The following FAM153A variants were observed in gnomAD, a reference collection of about 807,000 sequenced individuals.
FAM153A encodes family with sequence similarity 153 member A.
FAM153A carries 12 observed loss-of-function variants against 48.1 expected under a neutral mutation model. The ratio of observed to expected loss-of-function variants is 0.25; its 90% CI spans 0.16 to 0.40. The LOEUF is 0.40. Ranked by LOEUF, FAM153A falls within the 10% of genes least tolerant of loss-of-function variation. The pLI, the probability that FAM153A is intolerant of heterozygous loss-of-function variation, is 1.00. For synonymous variants in FAM153A, 36 were observed against 118.2 expected, an observed-to-expected ratio of 0.30 and a Z score of 4.51; for missense variants, 111 against 345.8, an observed-to-expected ratio of 0.32 and a Z score of 5.38.
At chr5:177,725,707 A>G (rs1439986002) in intron 18 of FAM153A, among the ~76,000 whole-genome samples, 2 of 151,610 alleles carry the variant, frequency 1.3e-5, no homozygotes, top group Non-Finnish European at 1.5e-5. Flanking sequence ...AGGGTGTGAC[A>G]AGACAAGTGA....
downstream of FAM153A, among the ~76,000 whole-genome samples, chr5:177,706,554 G>A (rs549713261): frequency 2.0e-5 from 3 of 152,056 alleles, no homozygotes; most frequent in East Asian, 1.9e-4. Context: ...TAGACAAAAC[G>A]TAGTTTTAGA....
intron 10 of FAM153A, 45 bp downstream of exon 12, chr5:177,739,068 C>A (rs1193526967): frequency 6.2e-7 from 1 of 1,606,982 alleles, no homozygotes; most frequent in Non-Finnish European, 8.5e-7. Context: ...CCTTTCTCAA[C>A]ACTAAGATTT....
At chr5:177,758,914 G>C (rs1444215893) in intron 1 of FAM153A, among the ~76,000 whole-genome samples, 1 of 151,354 alleles carries the variant, frequency 6.6e-6, no homozygotes, top group Non-Finnish European at 1.5e-5. Context: ...CATAGGCATG[G>C]GCAAGGACTT....
chr5:177,765,846 C>T (rs1370439797), intron 1 of FAM153A, among the ~76,000 whole-genome samples: 2 of 121,588 alleles, frequency 1.6e-5, no homozygotes, highest in African/African-American at 2.8e-5. Context: ...CCAAACCGGG[C>T]GTCGTGGCTC....
downstream of FAM153A, among the ~76,000 whole-genome samples, chr5:177,707,446 AG>A (rs1757967981): frequency 6.6e-6 from 1 of 151,900 alleles, no homozygotes; most frequent in African/African-American, 2.4e-5. Context: ...TGGAAAAAAA[AG>A]GAAACGAGAG....
chr5:177,737,427 G>A (rs1406509089), intron 10 of FAM153A, among the ~76,000 whole-genome samples: 1 of 150,864 alleles, frequency 6.6e-6, no homozygotes, highest in East Asian at 1.9e-4. Flanking sequence ...TCTGACCTGA[G>A]CTAACTTGCC....
chr5:177,752,858 G>T (rs1215653433), intron 1 of FAM153A, among the ~76,000 whole-genome samples: 4 of 136,284 alleles, frequency 2.9e-5, no homozygotes, highest in African/African-American at 1.2e-4. Flanking sequence ...AACCTGGGAG[G>T]TGGAGGTTGC....
upstream of FAM153A, among the ~76,000 whole-genome samples, chr5:177,753,904 C>A (rs1042181298): frequency 6.6e-6 from 1 of 151,888 alleles, no homozygotes; most frequent in Non-Finnish European, 1.5e-5. Context: ...CAGCTCCCAG[C>A]GTGAGTGATG....
intron 10 of FAM153A, among the ~76,000 whole-genome samples, chr5:177,737,843 A>T (rs2127652093): frequency 6.6e-6 from 1 of 151,930 alleles, no homozygotes; most frequent in African/African-American, 2.4e-5. Flanking sequence ...CTAGAAACAA[A>T]GCAACCTTTC....
At chr5:177,696,110 G>A in the FAM153A span, among the ~76,000 whole-genome samples, 1 of 135,040 alleles carries the variant, frequency 7.4e-6, no homozygotes, top group Admixed American at 7.3e-5. Context: ...CAGACGGGGT[G>A]GCGGCTGGGC....
chr5:177,719,032 C>A (rs2127577016), downstream of FAM153A, among the ~76,000 whole-genome samples: 1 of 151,634 alleles, frequency 6.6e-6, no homozygotes, highest in Non-Finnish European at 1.5e-5. Context: ...ACGCGTGCAC[C>A]ACCTTGCCTG....
At chr5:177,779,114 A>C (rs1199233431) in intron 1 of FAM153A, among the ~76,000 whole-genome samples, 1 of 151,812 alleles carries the variant, frequency 6.6e-6, no homozygotes, top group African/African-American at 2.4e-5. Flanking sequence ...ACTTGCTTCT[A>C]ATCTTTTCAT....
rs1357069795 is a variant in FAM153A at position 177,778,474 on chromosome 5, A to C, written c.-57+1975T>G. Among the ~76,000 whole-genome samples the C allele has an allele frequency of 2.1e-5, 2 of 94,744 alleles. 1 individual carries two copies. The highest frequency in any genetic ancestry group is 6.4e-4 in the East Asian group (2 of 3,146). The allele number at this position is 94,744 out of a possible 152,430, so 62.2% of individuals were successfully genotyped here. A position where few individuals can be genotyped will look rare whatever the true frequency, so the allele number is the denominator to read the frequency against. On this transcript the variant is annotated intron_variant, in intron 1 of 8. Coordinates refer to the FAM153A transcript ENST00000393518. ...ACTGGGCTTAATTCCTTTTTATAAT[A>C]ATTGTGCAGGCCAGGTGTGGTGGCT...
upstream of FAM153A, among the ~76,000 whole-genome samples, chr5:177,753,787 T>C (rs541650367): frequency 5.5e-4 from 84 of 151,682 alleles, no homozygotes; most frequent in Non-Finnish European, 9.3e-4. Flanking sequence ...TGTTGATTCA[T>C]CACAAGTTTT....
In FAM153A at chr5:177,748,011, CCTCTCT is replaced by C. The variant is rs1177176537; in HGVS notation, c.235-224_235-219del. Among the ~76,000 whole-genome samples, 5 of 9,334 alleles carry C rather than the reference CCTCTCT, an allele frequency of 5.4e-4. 2 individuals carry two copies. Among genetic ancestry groups the C allele is most frequent in the African/African-American group, 1.1e-3 (5 of 4,572 alleles). 6.1% of individuals were successfully genotyped at this position (9,334 alleles called of 152,430 possible). A position where few individuals can be genotyped will look rare whatever the true frequency, so the allele number is the denominator to read the frequency against. On this transcript the variant is annotated intron_variant, in intron 3 of 20. Coordinates refer to ENST00000614127, the Ensembl canonical transcript of FAM153A. ...CCCTTCCCTTCTTCCTTCCTTCCTGCCTCTCTCTCTCTCTCTCTCTCTCTCCCCTAC... is the reference window on the plus strand; with the variant it reads ...CCCTTCCCTTCTTCCTTCCTTCCTGCCTCTCTCTCTCTCTCTCTCCCCTAC...
chr5:177,700,945 A>C, the FAM153A span, among the ~76,000 whole-genome samples: 2 of 151,902 alleles, frequency 1.3e-5, no homozygotes, highest in South Asian at 2.1e-4. Flanking sequence ...CCTGAATCTC[A>C]GGTCGAATTA....
chr5:177,769,071 A>G lies in FAM153A; in HGVS notation c.-57+11378T>C, dbSNP rs1394329998. Among the ~76,000 whole-genome samples the G allele has an allele frequency of 2.5e-5, 2 of 80,456 alleles. 1 individual carries two copies. Among genetic ancestry groups the G allele is most frequent in the East Asian group, 7.5e-4 (2 of 2,658 alleles). 52.8% of individuals were successfully genotyped at this position (80,456 alleles called of 152,430 possible). A position where few individuals can be genotyped will look rare whatever the true frequency, so the allele number is the denominator to read the frequency against. On this transcript the variant is annotated intron_variant, in intron 1 of 8. Transcript: ENST00000393518. ...ACCCCACCTCTACTAAAGAAATCCAAAAAAAAAAAAAAATAGCCGGGCTTT... is the reference window on the plus strand; with the variant it reads ...ACCCCACCTCTACTAAAGAAATCCAGAAAAAAAAAAAAATAGCCGGGCTTT...
downstream of FAM153A, among the ~76,000 whole-genome samples, chr5:177,706,027 T>C (rs547592928): frequency 3.0e-4 from 46 of 151,998 alleles, 1 homozygote; most frequent in South Asian, 9.3e-3. Flanking sequence ...ATTGAAAGAC[T>C]TAACGTTAAT....
downstream of FAM153A, among the ~76,000 whole-genome samples, chr5:177,703,660 T>C (rs1757647121): frequency 8.4e-6 from 1 of 118,402 alleles, no homozygotes; most frequent in Admixed American, 8.3e-5. Context: ...AGGTCGGGCA[T>C]GGTGGGGGGT....
Sources: allele counts gnomAD v4.1 joint callset (sites outside exome capture counted in the v4.1 genomes callset), GRCh38; gene constraint gnomAD v4.1.1; transcripts MANE v1.5; gene names NCBI Gene and HGNC (gene_info 2026-07-23, HGNC 2026-07-21).